NUP133: variants seen among roughly 807,000 people sequenced by gnomAD.
NUP133 encodes nucleoporin 133, also known as nuclear pore complex protein Nup133.
NUP133 carries 66 observed loss-of-function variants against 146.2 expected under a neutral mutation model. The observed-to-expected ratio is 0.45, with a 90% CI of 0.37 to 0.55. The LOEUF is 0.55. Ranked by LOEUF, NUP133 falls within the 20% of genes least tolerant of loss-of-function variation. The pLI is 0.00. For synonymous variants in NUP133, 521 were observed against 498.8 expected (o/e 1.04, Z -0.59); for missense variants, 1,277 against 1,374.8 (o/e 0.93, Z 1.12).
At chr1:229,464,499 A>G (rs1660768105) in intron 18 of NUP133, 125 bp downstream of exon 18, 4 of 1,122,038 alleles carry the variant, frequency 3.6e-6, no homozygotes, top group East Asian at 4.8e-5. Context: ...AAAGCTGTGC[A>G]TATTTGCTTT....
chr1:229,497,709 A>G (rs1441458997), intron 6 of NUP133, among the ~76,000 whole-genome samples: 1 of 152,206 alleles, frequency 6.6e-6, no homozygotes, highest in Non-Finnish European at 1.5e-5. Context: ...TGGTCCATAA[A>G]TATTAGTTCC....
chr1:229,444,703 C>T (rs886622730), intron 25 of NUP133, among the ~76,000 whole-genome samples: 6 of 151,898 alleles, frequency 4.0e-5, no homozygotes, highest in African/African-American at 1.5e-4. Context: ...AAAAATTAGC[C>T]AGGCATGGTA....
At chr1:229,479,367 A>G (rs985392762) in intron 12 of NUP133, among the ~76,000 whole-genome samples, 1 of 152,206 alleles carries the variant, frequency 6.6e-6, no homozygotes, top group African/African-American at 2.4e-5. Context: ...GTGTTGTTCA[A>G]AGGTCAATTG....
chr1:229,450,705 G>T, intron 22 of NUP133, 100 bp from the exon 23 acceptor site: 1 of 556,834 alleles, frequency 1.8e-6, no homozygotes, highest in Non-Finnish European at 3.1e-6. Flanking sequence ...TAAGGAAGTT[G>T]TAGTTTGTTT....
intron 10 of NUP133, 131 bp from the exon 11 acceptor site, chr1:229,486,659 C>T (rs934306671): frequency 2.7e-6 from 2 of 746,806 alleles, no homozygotes; most frequent in African/African-American, 3.8e-5. Flanking sequence ...AACATTAGTC[C>T]TACTTCGAAC....
At chr1:229,466,805 T>C in intron 15 of NUP133, 49 bp from the exon 16 acceptor site, 1 of 1,598,434 alleles carries the variant, frequency 6.3e-7, no homozygotes, top group South Asian at 1.1e-5. Context: ...ATTATGGTGA[T>C]GGGTAACAAC....
intron 13 of NUP133, among the ~76,000 whole-genome samples, 169 bp downstream of exon 13, chr1:229,477,425 GCCT>G (rs1661103603): frequency 7.0e-6 from 1 of 142,006 alleles, no homozygotes; most frequent in Non-Finnish European, 1.5e-5. Context: ...GGGTGACAGA[GCCT>G]TGCTCTGTCT....
rs1421774787 is a variant in NUP133 at position 229,441,650 on chromosome 1, G to C, written c.*254C>G. The C allele has an allele frequency of 2.6e-6, 1 of 379,824 alleles. No individual in the cohort carries two copies. The highest frequency in any genetic ancestry group is 2.1e-5 in the African/African-American group (1 of 48,176). 23.5% of individuals were successfully genotyped at this position (379,824 alleles called of 1,614,324 possible). A position where few individuals can be genotyped will look rare whatever the true frequency, so the allele number is the denominator to read the frequency against. On this transcript the variant is annotated 3_prime_UTR_variant, in exon 26 of 26. Transcript: ENST00000261396. The stretch of plus-strand genomic sequence containing the variant: ...CAAGAACTCCAGAACCTGGGACCAC[G>C]TGAGAGTAAAAAGAAAGGGCACCGA...
intron 13 of NUP133, among the ~76,000 whole-genome samples, chr1:229,477,162 G>A (rs926155680): frequency 5.3e-5 from 8 of 151,932 alleles, no homozygotes; most frequent in South Asian, 2.1e-4. Flanking sequence ...TTACCTGGCC[G>A]GGCCTGGTGG....
At chr1:229,507,623 T>C (rs1216737369) in intron 1 of NUP133, among the ~76,000 whole-genome samples, 2 of 152,230 alleles carry the variant, frequency 1.3e-5, no homozygotes, top group Non-Finnish European at 2.9e-5. Flanking sequence ...GTTGGTATGT[T>C]AGGCATTAAA....
chr1:229,446,560 T>G (rs1660307470), intron 24 of NUP133, among the ~76,000 whole-genome samples: 1 of 151,364 alleles, frequency 6.6e-6, no homozygotes, highest in East Asian at 1.9e-4. Flanking sequence ...AAACCCCATC[T>G]CTACTAAAAA....
intron 11 of NUP133, among the ~76,000 whole-genome samples, chr1:229,485,694 T>C (rs1661331295): frequency 6.6e-6 from 1 of 152,132 alleles, no homozygotes; most frequent in South Asian, 2.1e-4. Flanking sequence ...TATATGTACA[T>C]TACTTAGATA....
At chr1:229,499,952 A>C in intron 4 of NUP133, 134 bp from the exon 5 acceptor site, 1 of 1,091,932 alleles carries the variant, frequency 9.2e-7, no homozygotes, top group Non-Finnish European at 1.3e-6. Flanking sequence ...AGAACTCACC[A>C]GTGTTTTGGT....
chr1:229,504,866 C>T (rs1661894992), intron 2 of NUP133, among the ~76,000 whole-genome samples: 1 of 152,152 alleles, frequency 6.6e-6, no homozygotes, highest in South Asian at 2.1e-4. Flanking sequence ...GATAAAATCT[C>T]ATACTGTCCT....
At chr1:229,497,238 A>G (rs1305156053) in intron 6 of NUP133, among the ~76,000 whole-genome samples, 1 of 152,202 alleles carries the variant, frequency 6.6e-6, no homozygotes, top group African/African-American at 2.4e-5. Flanking sequence ...AATCTACAGC[A>G]CCTGGTAAAT....
At chr1:229,443,723 ATTTTTTT>A (rs71561738) in intron 25 of NUP133, among the ~76,000 whole-genome samples, 7 of 116,160 alleles carry the variant, frequency 6.0e-5, no homozygotes, top group Admixed American at 1.9e-4. Flanking sequence ...CACATATATA[ATTTTTTT>A]TTTTTTTTTT....
chr1:229,490,989 A>C (rs1661500190), intron 8 of NUP133, among the ~76,000 whole-genome samples: 1 of 152,046 alleles, frequency 6.6e-6, no homozygotes, highest in Non-Finnish European at 1.5e-5. Context: ...GTGGAATTAT[A>C]AACTAAAGAG....
chr1:229,445,239 C>T (rs7552561), intron 24 of NUP133, among the ~76,000 whole-genome samples: 39,822 of 151,936 alleles, frequency 0.26, 6,610 homozygotes, highest in African/African-American at 0.47. Flanking sequence ...CCAAGGAAAA[C>T]ACATTTAAAA....
At chr1:229,450,466 C>A in intron 23 of NUP133, 59 bp downstream of exon 23, 23 of 821,058 alleles carry the variant, frequency 2.8e-5, no homozygotes, top group South Asian at 9.0e-5. Context: ...AAAGAGGGAT[C>A]TCCCTCTTTT....
Sources: gnomAD v4.1 joint callset for allele counts (sites outside exome capture counted in the v4.1 genomes callset) on GRCh38, gnomAD v4.1.1 for gene constraint, MANE v1.5 for transcripts, NCBI Gene and HGNC (gene_info 2026-07-23, HGNC 2026-07-21) for gene names.